PTPRD: variants seen among roughly 807,000 people sequenced by gnomAD.
The protein encoded by PTPRD is receptor-type tyrosine-protein phosphatase delta.
PTPRD carries 34 observed loss-of-function variants against 214.5 expected under a neutral mutation model. That is an observed-to-expected ratio of 0.16 (90% CI 0.12 to 0.21). The LOEUF is 0.21. Among genes scored for constraint, PTPRD ranks in the 10% least tolerant of loss-of-function variants. The pLI is 1.00. For synonymous variants in PTPRD, 1,128 were observed against 845.7 expected, an observed-to-expected ratio of 1.33 and a Z score of -5.79; for missense variants, 2,545 against 2,398.7, an observed-to-expected ratio of 1.06 and a Z score of -1.27.
chr9:9,555,249 T>A (rs980081283), intron 8 of PTPRD, among the ~76,000 whole-genome samples: 1 of 152,058 alleles, frequency 6.6e-6, no homozygotes, highest in African/African-American at 2.4e-5. Context: ...TAATAAAATA[T>A]CTTATTAGGG....
At chr9:9,402,417 A>T (rs576215976) in intron 8 of PTPRD, among the ~76,000 whole-genome samples, 1 of 152,128 alleles carries the variant, frequency 6.6e-6, no homozygotes, top group Non-Finnish European at 1.5e-5. Flanking sequence ...GGACAAAGAA[A>T]TCCTAAAGGG....
At chr9:9,157,213 C>A (rs570561436) in intron 10 of PTPRD, among the ~76,000 whole-genome samples, 12 of 151,862 alleles carry the variant, frequency 7.9e-5, no homozygotes, top group Non-Finnish European at 1.6e-4. Flanking sequence ...AATGTTACAC[C>A]TTAAATAACT....
rs559027444 is a variant in PTPRD, at chr9:9,853,070, T to G, written c.-368+85437A>C. On this transcript the variant is annotated intron_variant, in intron 5 of 45. Coordinates refer to ENST00000381196, the MANE Select transcript of PTPRD (RefSeq NM_002839.4). ...TCTCCATAGAGGTACCATACATTAT[T>G]TAAGTCACATATTATTTAAATGTAC... Among the ~76,000 whole-genome samples the G allele has an allele frequency of 1.2e-4, 18 of 152,152 alleles. 1 individual carries two copies. Among genetic ancestry groups the G allele is most frequent in the Non-Finnish European group, 8.8e-5 (6 of 68,032 alleles).
intron 12 of PTPRD, among the ~76,000 whole-genome samples, chr9:8,702,055 G>A (rs893564214): frequency 2.0e-5 from 3 of 151,740 alleles, no homozygotes; most frequent in South Asian, 2.1e-4. Context: ...TTTTTTTAAC[G>A]TGAGGACTCT....
intron 43 of PTPRD, among the ~76,000 whole-genome samples, chr9:8,337,900 A>C (rs941114304): frequency 6.6e-6 from 1 of 151,338 alleles, no homozygotes; most frequent in Non-Finnish European, 1.5e-5. Context: ...ACGGTGGGGC[A>C]GGTTACACTC....
intron 5 of PTPRD, among the ~76,000 whole-genome samples, chr9:9,927,280 C>T (rs867038639): frequency 3.2e-4 from 49 of 152,106 alleles, no homozygotes; most frequent in African/African-American, 1.0e-3. Context: ...ACTTAAAACC[C>T]ACCTAAATCA....
intron 12 of PTPRD, among the ~76,000 whole-genome samples, chr9:8,704,177 G>A (rs544790917): frequency 1.3e-5 from 2 of 152,254 alleles, no homozygotes; most frequent in African/African-American, 2.4e-5. Context: ...TGAGTTTACA[G>A]AGCAGGCAAA....
intron 39 of PTPRD, among the ~76,000 whole-genome samples, chr9:8,360,311 G>C (rs1418153657): frequency 6.6e-6 from 1 of 152,150 alleles, no homozygotes. Flanking sequence ...ACAAACTACT[G>C]TTTGCTGTTG....
intron 9 of PTPRD, among the ~76,000 whole-genome samples, chr9:9,360,682 G>A (rs991273331): frequency 6.6e-6 from 1 of 150,986 alleles, no homozygotes; most frequent in Non-Finnish European, 1.5e-5. Flanking sequence ...AAGGTAAAAT[G>A]TTATTTAGCA....
intron 3 of PTPRD, among the ~76,000 whole-genome samples, chr9:10,057,790 G>A (rs1326544602): frequency 2.6e-5 from 4 of 151,320 alleles, no homozygotes; most frequent in Admixed American, 2.6e-4. Flanking sequence ...TGCAGTGAGA[G>A]GAGATCATAC....
chr9:9,239,124 C>A (rs532638580), intron 9 of PTPRD, among the ~76,000 whole-genome samples: 1 of 151,386 alleles, frequency 6.6e-6, no homozygotes, highest in Non-Finnish European at 1.5e-5. Context: ...TTCTCTAGAA[C>A]TATGCTTATC....
intron 4 of PTPRD, among the ~76,000 whole-genome samples, chr9:9,955,563 G>A (rs1458621470): frequency 1.3e-5 from 2 of 148,326 alleles, no homozygotes; most frequent in East Asian, 2.0e-4. Flanking sequence ...TCGCTCTGTC[G>A]CCCAGGCTTG....
chr9:9,101,717 A>G (rs2099791649), intron 10 of PTPRD, among the ~76,000 whole-genome samples: 1 of 152,190 alleles, frequency 6.6e-6, no homozygotes. Context: ...TATGCATGTT[A>G]CCCCACTGAG....
intron 11 of PTPRD, among the ~76,000 whole-genome samples, chr9:8,856,611 G>T (rs561607642): frequency 1.2e-4 from 18 of 152,246 alleles, no homozygotes; most frequent in African/African-American, 4.3e-4. Flanking sequence ...GATACTTAAG[G>T]TGCAAACTGT....
chr9:10,079,255 T>G (rs1480108130), intron 3 of PTPRD, among the ~76,000 whole-genome samples: 1 of 152,082 alleles, frequency 6.6e-6, no homozygotes, highest in Non-Finnish European at 1.5e-5. Context: ...GCTGATCTGA[T>G]CCAGACGGGC....
intron 6 of PTPRD, among the ~76,000 whole-genome samples, chr9:9,761,445 C>T (rs951579398): frequency 6.6e-6 from 1 of 152,062 alleles, no homozygotes; most frequent in Non-Finnish European, 1.5e-5. Context: ...CTGTCAAATG[C>T]TCGTAGTGTT....
chr9:9,873,550 G>A (rs1379162734), intron 5 of PTPRD, among the ~76,000 whole-genome samples: 1 of 151,816 alleles, frequency 6.6e-6, no homozygotes, highest in Admixed American at 6.6e-5. Context: ...CCAAGGAGGA[G>A]GGCACAGAAT....
chr9:8,830,633 C>G (rs543271150), intron 11 of PTPRD, among the ~76,000 whole-genome samples: 6 of 152,210 alleles, frequency 3.9e-5, no homozygotes, highest in African/African-American at 1.4e-4. Flanking sequence ...CAGTGTCCAC[C>G]CTATCATGAG....
At chr9:10,087,481 T>C (rs1051731776) in intron 3 of PTPRD, among the ~76,000 whole-genome samples, 1 of 151,702 alleles carries the variant, frequency 6.6e-6, no homozygotes, top group African/African-American at 2.4e-5. Context: ...GTGTAGTTTA[T>C]CCATTATATC....
Sources: allele counts gnomAD v4.1 joint callset (sites outside exome capture counted in the v4.1 genomes callset), GRCh38; gene constraint gnomAD v4.1.1; transcripts MANE v1.5; gene names NCBI Gene and HGNC (gene_info 2026-07-23, HGNC 2026-07-21).